Variants in PHIP observed in about 807,000 individuals in gnomAD.
PHIP encodes PH-interacting protein.
In PHIP, 54 loss-of-function variants were observed where a neutral mutation model predicts 236.8. That is an observed-to-expected ratio of 0.23 (90% confidence interval 0.18 to 0.29). The LOEUF (loss-of-function observed/expected upper bound fraction) is 0.29. Ranked by LOEUF, PHIP falls within the 10% of genes least tolerant of loss-of-function variation. The pLI is 1.00. For missense variants in PHIP, 1,370 were observed against 2,190.8 expected (o/e 0.63, Z 7.48); for synonymous variants, 756 against 718.9 (o/e 1.05, Z -0.83).
At chr6:78,976,273 A>G (rs1196047848) in intron 24 of PHIP, among the ~76,000 whole-genome samples, 7 of 148,538 alleles carry the variant, frequency 4.7e-5, no homozygotes, top group Non-Finnish European at 7.5e-5. Context: ...AAGCAATGGG[A>G]AAAGGATTCC....
intron 24 of PHIP, among the ~76,000 whole-genome samples, chr6:78,973,001 C>T (rs1341870634): frequency 1.3e-5 from 2 of 152,056 alleles, no homozygotes; most frequent in Non-Finnish European, 2.9e-5. Flanking sequence ...GGCAGGCCAA[C>T]GTTGAGATTC....
intron 4 of PHIP, among the ~76,000 whole-genome samples, chr6:79,073,192 T>C (rs1250414607): frequency 6.6e-6 from 1 of 152,192 alleles, no homozygotes. Context: ...TGTAAATGCC[T>C]CAAATTTTAA....
chr6:78,961,681 G>A lies in PHIP; in HGVS notation c.3656+9C>T, dbSNP rs1293935502. On this transcript the variant is annotated intron_variant, in intron 31 of 39. Transcript: ENST00000275034. The stretch of plus-strand genomic sequence containing the variant: ...TCCTTTGATAGTAGCTACATCAAAT[G>A]GTTCTAACCTGTAAAACCTGTTTTC... The A allele has an allele frequency of 6.2e-7, 1 of 1,609,874 alleles. No homozygotes were observed. The highest frequency in any genetic ancestry group is 8.5e-7 in the Non-Finnish European group (1 of 1,177,550).
intron 24 of PHIP, among the ~76,000 whole-genome samples, chr6:78,975,735 C>A (rs1405101909): frequency 2.0e-5 from 3 of 151,916 alleles, no homozygotes; most frequent in African/African-American, 7.3e-5. Flanking sequence ...CAACAACGGA[C>A]AAACAGAGAG....
intron 7 of PHIP, among the ~76,000 whole-genome samples, chr6:79,035,171 C>A (rs1179482306): frequency 1.3e-5 from 2 of 152,136 alleles, no homozygotes; most frequent in African/African-American, 4.8e-5. Flanking sequence ...CCACCAAACA[C>A]CTACTAATCT....
intron 4 of PHIP, among the ~76,000 whole-genome samples, chr6:79,069,204 T>C (rs1302336227): frequency 6.7e-6 from 1 of 148,306 alleles, no homozygotes; most frequent in Non-Finnish European, 1.5e-5. Context: ...TAATATACAA[T>C]ATATAAATAT....
At chr6:79,043,332 TTA>T (rs757187559) in intron 6 of PHIP, among the ~76,000 whole-genome samples, 2 of 152,062 alleles carry the variant, frequency 1.3e-5, no homozygotes, top group Non-Finnish European at 2.9e-5. Context: ...CCTAAAGCAT[TTA>T]TATGTTATTT....
chr6:79,049,148 C>T (rs940510508), intron 6 of PHIP, among the ~76,000 whole-genome samples: 18 of 151,934 alleles, frequency 1.2e-4, no homozygotes, highest in South Asian at 4.2e-4. Context: ...CTGCAGCCTC[C>T]GCCTCCTGGG....
Position 78,941,324 on chromosome 6 carries a change from C to G in PHIP, c.4835G>C (p.Cys1612Ser), listed in dbSNP as rs1338187903. The change falls in exon 40 of 40, where the codon TGT (cysteine) becomes TCT (serine). Residue 1612 changes from cysteine to serine, a missense_variant. Coordinates refer to ENST00000275034, the MANE Select transcript of PHIP (RefSeq NM_017934.7). The part of the protein sequence containing the change: ...KSSAVIEQGD[C>S]KNNALVPGTI... ...TCCTGGTACAAGAGCGTTGTTCTTA[C>G]AATCTCCTAAAAGGGAACAACAGTA... 1 of 1,612,050 alleles carries G rather than the reference C, an allele frequency of 6.2e-7. No homozygotes were observed. Among genetic ancestry groups the G allele is most frequent in the Non-Finnish European group, 8.5e-7 (1 of 1,178,924 alleles).
At chr6:79,071,375 T>G (rs1030283029) in intron 4 of PHIP, among the ~76,000 whole-genome samples, 14 of 152,198 alleles carry the variant, frequency 9.2e-5, no homozygotes, top group Admixed American at 8.5e-4. Context: ...CTATATTCCA[T>G]AGGTCCAATA....
intron 29 of PHIP, among the ~76,000 whole-genome samples, chr6:78,964,676 T>TGAGAC (rs1249155566): frequency 2.0e-5 from 3 of 151,946 alleles, no homozygotes; most frequent in Non-Finnish European, 2.9e-5. Context: ...TATTTTTAGT[T>TGAGAC]GAGACGGGGT....
At chr6:78,967,830 C>G (rs1304978468) in intron 27 of PHIP, among the ~76,000 whole-genome samples, 1 of 152,056 alleles carries the variant, frequency 6.6e-6, no homozygotes, top group African/African-American at 2.4e-5. Flanking sequence ...GCAAATGCAA[C>G]TCCTTAAAAA....
At chr6:79,029,500 C>T (rs1422007575) in intron 7 of PHIP, among the ~76,000 whole-genome samples, 5 of 152,066 alleles carry the variant, frequency 3.3e-5, no homozygotes, top group African/African-American at 1.2e-4. Context: ...ATGTTTAAAG[C>T]ACTATAAATG....
chr6:79,038,349 G>T (rs1209952001), intron 7 of PHIP, among the ~76,000 whole-genome samples: 2 of 152,182 alleles, frequency 1.3e-5, no homozygotes, highest in Non-Finnish European at 2.9e-5. Context: ...AGCCTCTTTT[G>T]TAAGGGCACT....
chr6:78,954,794 A>T lies in PHIP; in HGVS notation c.4053+20T>A. ...TGTAGCAAACTGACAGGTAAAGAAA[A>T]TATTTTCAAAAATACTTACTGGATA... On this transcript the variant is annotated intron_variant, in intron 35 of 39. Transcript: ENST00000275034. 6.5e-7 allele frequency: 1 copy of T among 1,540,238 alleles called. No homozygotes were observed. Among genetic ancestry groups the T allele is most frequent in the Non-Finnish European group, 8.7e-7 (1 of 1,144,096 alleles).
At chr6:78,967,706 T>C (rs1406606184) in intron 27 of PHIP, among the ~76,000 whole-genome samples, 2 of 152,226 alleles carry the variant, frequency 1.3e-5, no homozygotes, top group African/African-American at 4.8e-5. Flanking sequence ...TGCTCATTCA[T>C]TTTAATTCTC....
At position 78,963,160 on chromosome 6, in the gene PHIP, T is replaced by C; in HGVS notation, c.3472A>G (p.Thr1158Ala). 1 of 1,611,368 alleles carries C rather than the reference T, an allele frequency of 6.2e-7. No individual in the cohort carries two copies. Among genetic ancestry groups the C allele is most frequent in the Non-Finnish European group, 8.5e-7 (1 of 1,178,700 alleles). Reference protein sequence around the residue: ...IYKPLDGEWGTNPRDEECERI... With the variant: ...IYKPLDGEWGANPRDEECERI... ...TCACATTCTTCATCCCTGGGATTGG[T>C]ACCCCATTCTCCATCAAGAGGTTTA... The change falls in exon 30 of 40, where the codon ACC (threonine) becomes GCC (alanine). Residue 1158 changes from threonine (T) to alanine (A), a missense_variant. Thr to Ala is a moderately conservative substitution (Grantham distance 58). Around this residue, in one of 14 missense-constraint regions of PHIP, gnomAD observed 238 missense variants for 398.5 expected, o/e 0.60. Transcript: ENST00000275034.
In PHIP at chr6:78,946,028, T is replaced by C. The variant is rs1381682467; in HGVS notation, c.4603A>G (p.Asn1535Asp). 1.2e-6 allele frequency: 2 copies of C among 1,609,582 alleles called. No homozygotes were observed. The highest frequency in any genetic ancestry group is 3.3e-5 in the Admixed American group (2 of 59,996). ...SAAKTFITKANASAIPGKTIL... is the reference protein window; with the variant it reads ...SAAKTFITKADASAIPGKTIL... The stretch of plus-strand genomic sequence containing the variant: ...GTTTTCCCTGGTATTGCAGATGCAT[T>C]AGCTTTTGTAATAAAAGTCTTTGCA... The change falls in exon 38 of 40, where the codon AAT (asparagine) becomes GAT (aspartate). Residue 1535 changes from asparagine to aspartate, a missense_variant. By Grantham distance (23) the Asn-to-Asp change is conservative. Around this residue, in one of 14 missense-constraint regions of PHIP, gnomAD observed 309 missense variants for 328.3 expected, o/e 0.94. Coordinates refer to ENST00000275034, the MANE Select transcript of PHIP (RefSeq NM_017934.7).
chr6:78,972,384 C>T (rs1420807449), intron 24 of PHIP, among the ~76,000 whole-genome samples: 3 of 152,160 alleles, frequency 2.0e-5, no homozygotes, highest in Non-Finnish European at 4.4e-5. Flanking sequence ...CTGTACATCA[C>T]CATCATCAAA....
Sources: allele counts gnomAD v4.1 joint callset (sites outside exome capture counted in the v4.1 genomes callset), GRCh38; gene constraint gnomAD v4.1.1; regional missense constraint gnomAD v4.1.1; transcripts MANE v1.5; gene names NCBI Gene and HGNC (gene_info 2026-07-23, HGNC 2026-07-21).